MID2: variants seen among roughly 807,000 people sequenced by gnomAD.
MID2 encodes midline 2.
In MID2, 13 loss-of-function variants were observed where a neutral mutation model predicts 46.1. The ratio of observed to expected loss-of-function variants is 0.28; its 90% CI spans 0.18 to 0.45. The LOEUF (loss-of-function observed/expected upper bound fraction) is 0.45. MID2 is among the 20% of genes least tolerant of loss of function. The pLI is 1.00. For missense variants in MID2, 431 were observed against 575.4 expected, an observed-to-expected ratio of 0.75 and a Z score of 2.57; for synonymous variants, 199 against 212.3, an observed-to-expected ratio of 0.94 and a Z score of 0.55.
At chrX:107,861,758 A>G (rs1931860084) in intron 3 of MID2, among the ~76,000 whole-genome samples, 1 of 112,503 alleles carries the variant, frequency 8.9e-6, no homozygotes, top group Admixed American at 9.3e-5. Flanking sequence ...CTGTTTGTGT[A>G]TTATTCTGCT....
chrX:107,892,939 G>A (rs1932635370), intron 3 of MID2, among the ~76,000 whole-genome samples: 1 of 112,562 alleles, frequency 8.9e-6, no homozygotes, highest in Non-Finnish European at 1.9e-5. Context: ...CTCATTATAA[G>A]ATTCACGAGA....
At chrX:107,847,085 A>G (rs1357672087) in intron 2 of MID2, among the ~76,000 whole-genome samples, 1 of 112,566 alleles carries the variant, frequency 8.9e-6, no homozygotes, top group African/African-American at 3.2e-5. Context: ...GTAATGCCTT[A>G]TTCTTTGTCT....
intron 3 of MID2, among the ~76,000 whole-genome samples, chrX:107,890,279 C>T (rs765107199): frequency 4.4e-4 from 49 of 111,763 alleles, no homozygotes; most frequent in Non-Finnish European, 6.6e-4. Context: ...ATGATGGTGA[C>T]GTACAGATGG....
At chrX:107,850,201 C>G (rs1030037666) in intron 2 of MID2, among the ~76,000 whole-genome samples, 5 of 111,173 alleles carry the variant, frequency 4.5e-5, no homozygotes, top group African/African-American at 9.8e-5. Flanking sequence ...CACACACACA[C>G]ACACACACAC....
chrX:107,905,260 G>T (rs1225680211), intron 4 of MID2, among the ~76,000 whole-genome samples: 5 of 110,538 alleles, frequency 4.5e-5, no homozygotes, highest in Non-Finnish European at 7.6e-5. Context: ...CTGTGTTGCA[G>T]CCTAAGTATG....
intron 1 of MID2, among the ~76,000 whole-genome samples, chrX:107,838,078 GT>G (rs1281907974): frequency 8.9e-6 from 1 of 112,373 alleles, no homozygotes; most frequent in Non-Finnish European, 1.9e-5. Flanking sequence ...GCCACCAGTG[GT>G]TGAGGTGATA....
chrX:107,842,310 A>T lies in MID2; in HGVS notation c.720+925A>T, dbSNP rs150246654. Among the ~76,000 whole-genome samples, 455 of 112,470 alleles carry T rather than the reference A, an allele frequency of 4.0e-3. 2 individuals carry two copies. Among genetic ancestry groups the T allele is most frequent in the African/African-American group, 0.014 (437 of 30,974 alleles). On this transcript the variant is annotated intron_variant, in intron 2 of 9. Transcript: ENST00000262843. ...TCCTCCTACCTTACACTGATGATCC[A>T]GCGAATTGTTTTATTCCCATTGCTT...
Position 107,913,954 on chromosome X carries a change from A to G in MID2, c.1074-2048A>G, listed in dbSNP as rs889333645. ...GATTTTGTCTCATTCTCCAGGCTTCAAACAAGAGAGAACACACACACATCC... is the reference window on the plus strand; with the variant it reads ...GATTTTGTCTCATTCTCCAGGCTTCGAACAAGAGAGAACACACACACATCC... On this transcript the variant is annotated intron_variant, in intron 5 of 9. Coordinates refer to ENST00000262843, the MANE Select transcript of MID2 (RefSeq NM_012216.4). Among the ~76,000 whole-genome samples, 5 of 112,359 alleles carry G rather than the reference A, an allele frequency of 4.5e-5. No individual in the cohort carries two copies. In the Admixed American group the frequency reaches 4.7e-4, roughly 11 times the overall value.
Position 107,840,789 on chromosome X carries a change from C to T in MID2, c.124C>T (p.Leu42=). 8.3e-7 allele frequency: 1 copy of T among 1,211,618 alleles called. No homozygotes were observed. The highest frequency in any genetic ancestry group is 1.1e-6 in the Non-Finnish European group (1 of 895,383). Residue 42 remains leucine, a synonymous_variant, in exon 2 of 10, where the codon CTG becomes TTG. Transcript: ENST00000262843. ...CCTAGAGTTGTTTGAAGACCCCCTT[C>T]TGCTCCCTTGTGCTCACAGCCTCTG... ...ICLELFEDPL[L]LPCAHSLCFS... is the part of the protein sequence containing the mutation.
intron 2 of MID2, among the ~76,000 whole-genome samples, chrX:107,846,353 G>A (rs768784489): frequency 1.6e-3 from 177 of 111,653 alleles, no homozygotes; most frequent in Non-Finnish European, 2.9e-3. Context: ...TTTGAGACCA[G>A]ATTTATGCTC....
At position 107,926,877 on chromosome X, in the gene MID2, C is replaced by A. The variant is rs2147877449; in HGVS notation, c.2012C>A (p.Ala671Asp). 1 of 1,209,051 alleles carries A rather than the reference C, an allele frequency of 8.3e-7. No homozygotes were observed. Among genetic ancestry groups the A allele is most frequent in the Non-Finnish European group, 1.1e-6 (1 of 894,168 alleles). ...AATATGCTGTCTTTCTATGACCCAG[C>A]TAACTCTCTCCATCTTCATACTTTT... ...DNNMLSFYDP[A>D]NSLHLHTFDV... The change falls in exon 10 of 10, where the codon GCT becomes GAT. Residue 671 changes from alanine (A) to aspartate (D), a missense_variant. Transcript: ENST00000262843.
rs1284519635 is a variant in MID2 at position 107,926,189 on chromosome X, A to C, written c.1693A>C (p.Lys565Gln). 8.3e-7 allele frequency: 1 copy of C among 1,205,477 alleles called. No homozygotes were observed. Among genetic ancestry groups the C allele is most frequent in the Non-Finnish European group, 1.1e-6 (1 of 891,826 alleles). ...GGAGAAGGATGAAAGCTCTCTAAAG[A>C]AGAGCCACACCCCAGAGAGGTTTAG... ...QMEKDESSLK[K>Q]SHTPERFSGT... The change falls in exon 9 of 10, where the codon AAG (lysine) becomes CAG (glutamine). Residue 565 changes from lysine to glutamine, a missense_variant. Lys to Gln is a moderately conservative substitution (Grantham distance 53). Transcript: ENST00000262843.
chrX:107,917,450 A>C (rs145488866), intron 6 of MID2, 56 bp from the exon 7 acceptor site: 17,247 of 958,648 alleles, frequency 0.018, 132 homozygotes, highest in South Asian at 0.029. Flanking sequence ...AACAATTGTA[A>C]AATTCCAGAA....
At chrX:107,908,007 G>A (rs1447692504) in intron 5 of MID2, among the ~76,000 whole-genome samples, 1 of 111,813 alleles carries the variant, frequency 8.9e-6, no homozygotes, top group African/African-American at 3.2e-5. Flanking sequence ...ATGAGAGAAC[G>A]ATGTTCAGAG....
chrX:107,853,846 G>A, intron 2 of MID2, among the ~76,000 whole-genome samples: 1 of 111,887 alleles, frequency 8.9e-6, no homozygotes, highest in Non-Finnish European at 1.9e-5. Context: ...ATGGGTTCCA[G>A]TCCTAGTTTT....
In MID2 at chrX:107,841,289, A is replaced by T. The variant is rs752884476; in HGVS notation, c.624A>T (p.Val208=). 8.3e-7 allele frequency: 1 copy of T among 1,211,640 alleles called. No individual in the cohort carries two copies. Among genetic ancestry groups the T allele is most frequent in the Non-Finnish European group, 1.1e-6 (1 of 895,368 alleles). ...HENEKVNMYC[V]SDDQLICALC... ...ATGAGAAAGTGAACATGTACTGTGT[A>T]TCTGATGACCAATTGATCTGTGCCT... is the stretch of plus-strand genomic sequence containing the variant. The change falls in exon 2 of 10, where the codon GTA becomes GTT. Residue 208 remains valine (V), a synonymous_variant. Transcript: ENST00000262843.
chrX:107,886,602 G>A lies in MID2; in HGVS notation c.817-17356G>A, dbSNP rs1932459231. Among the ~76,000 whole-genome samples, 7 of 111,955 alleles carry A rather than the reference G, an allele frequency of 6.3e-5. No individual in the cohort carries two copies. In the South Asian group the frequency reaches 2.6e-3, roughly 42 times the overall value. ...TTTGGCTTAGGATTGTCTTGGCAGT[G>A]CAGGCTCATTTTTGGTTTCATATGA... On this transcript the variant is annotated intron_variant, in intron 3 of 9. Transcript: ENST00000262843.
At chrX:107,859,256 T>A (rs1931806853) in intron 3 of MID2, among the ~76,000 whole-genome samples, 1 of 112,175 alleles carries the variant, frequency 8.9e-6, no homozygotes, top group African/African-American at 3.2e-5. Flanking sequence ...CAGCAGATGA[T>A]CCTTAAATAT....
chrX:107,925,926 T>C (rs757288659), intron 8 of MID2, among the ~76,000 whole-genome samples, 168 bp from the exon 9 acceptor site: 24 of 110,915 alleles, frequency 2.2e-4, no homozygotes, highest in Non-Finnish European at 3.4e-4. Context: ...AAAACTCTGG[T>C]TTCTGGCCTG....
Sources: allele counts gnomAD v4.1 joint callset (sites outside exome capture counted in the v4.1 genomes callset), GRCh38; gene constraint gnomAD v4.1.1; transcripts MANE v1.5; gene names NCBI Gene and HGNC (gene_info 2026-07-23, HGNC 2026-07-21).